The following GRIK2 variants were observed in gnomAD, a reference collection of about 807,000 sequenced individuals.
GRIK2 encodes glutamate receptor ionotropic, kainate 2.
A neutral mutation model predicts 100.3 loss-of-function variants in GRIK2; 32 were observed. The ratio of observed to expected loss-of-function variants is 0.32; its 90% confidence interval spans 0.24 to 0.43. GRIK2 has a LOEUF of 0.43. Ranked by LOEUF, GRIK2 falls within the 20% of genes least tolerant of loss-of-function variation. The pLI, the probability that GRIK2 is intolerant of heterozygous loss-of-function variation, is 1.00. For missense variants in GRIK2, 843 were observed against 1,114.9 expected, an observed-to-expected ratio of 0.76 and a Z score of 3.47; for synonymous variants, 417 against 389.4, an observed-to-expected ratio of 1.07 and a Z score of -0.83.
intron 2 of GRIK2, among the ~76,000 whole-genome samples, chr6:101,425,052 A>C: frequency 6.6e-6 from 1 of 152,014 alleles, no homozygotes; most frequent in Non-Finnish European, 1.5e-5. Flanking sequence ...CATTTTCTTC[A>C]TCCAGTCTAT....
At chr6:101,617,952 A>G (rs1208177510) in intron 2 of GRIK2, among the ~76,000 whole-genome samples, 2 of 151,216 alleles carry the variant, frequency 1.3e-5, no homozygotes, top group Admixed American at 1.3e-4. Flanking sequence ...GTGTATATAT[A>G]TGTGTGTGTG....
At chr6:101,868,708 T>G (rs1333153158) in intron 11 of GRIK2, among the ~76,000 whole-genome samples, 1 of 151,766 alleles carries the variant, frequency 6.6e-6, no homozygotes, top group East Asian at 1.9e-4. Context: ...CTATAGAAAT[T>G]TGTTCAGTGT....
chr6:102,024,932 A>G (rs1472585305), intron 14 of GRIK2, among the ~76,000 whole-genome samples: 2 of 149,350 alleles, frequency 1.3e-5, no homozygotes, highest in Non-Finnish European at 3.0e-5. Flanking sequence ...CATGATATAT[A>G]TATATATTAT....
intron 14 of GRIK2, among the ~76,000 whole-genome samples, chr6:102,013,003 G>C (rs192910924): frequency 3.3e-3 from 496 of 152,202 alleles, no homozygotes; most frequent in Non-Finnish European, 5.5e-3. Flanking sequence ...AGAAGAGCAT[G>C]AATCTGTAAA....
rs1376723314 is a variant in GRIK2, at chr6:101,955,617, C to CTCTCTCTCTCTCTCTCTCTCT, written c.2085+26985_2085+26986insTCTCTCTCTCTCTCTCTCTCT. 5.9e-3 allele frequency among the ~76,000 whole-genome samples: 691 copies of CTCTCTCTCTCTCTCTCTCTCT among 116,334 alleles called. 65 individuals carry two copies. The highest frequency in any genetic ancestry group is 0.019 in the Middle Eastern group (4 of 206). The allele number at this position is 116,334 out of a possible 152,430, so 76.3% of individuals were successfully genotyped here. A position where few individuals can be genotyped will look rare whatever the true frequency, so the allele number is the denominator to read the frequency against. On this transcript the variant is annotated intron_variant, in intron 14 of 16. Transcript: ENST00000369134. ...CTCTCTCTCTCTCTCTCTCTCTCTC[C>CTCTCTCTCTCTCTCTCTCTCT]CCCCCATTTCTTTTACAGTCAGATT...
intron 7 of GRIK2, among the ~76,000 whole-genome samples, chr6:101,747,547 A>C (rs1776495127): frequency 6.6e-6 from 1 of 152,134 alleles, no homozygotes; most frequent in Non-Finnish European, 1.5e-5. Flanking sequence ...TTAATATCTG[A>C]ATTTTTGTAT....
chr6:101,814,361 T>C (rs1379930932), intron 9 of GRIK2, among the ~76,000 whole-genome samples: 1 of 151,966 alleles, frequency 6.6e-6, no homozygotes, highest in Non-Finnish European at 1.5e-5. Context: ...TATCAGCAAA[T>C]GCAAAGAAAC....
chr6:101,556,321 ATTTTTTTTTTTTTTTTTT>A (rs10528480), intron 2 of GRIK2, among the ~76,000 whole-genome samples: 7 of 59,394 alleles, frequency 1.2e-4, no homozygotes, highest in African/African-American at 1.7e-4. Flanking sequence ...TATATTGGTA[ATTTTTTTTTTTTTTTTTT>A]TTTTTTTTTT....
rs1022615110 is a variant in GRIK2 at position 101,988,267 on chromosome 6, A to G, written c.2086-47074A>G. Among the ~76,000 whole-genome samples, 6 of 151,774 alleles carry G rather than the reference A, an allele frequency of 4.0e-5. No individual in the cohort carries two copies. In the East Asian group the frequency reaches 1.2e-3, roughly 29 times the overall value. Reference sequence around the variant, plus strand: ...TATGTCTTATACATTTCCTCACACCATTATGATTTTGGGGGACTACCTGTG... The same window carrying G: ...TATGTCTTATACATTTCCTCACACCGTTATGATTTTGGGGGACTACCTGTG... On this transcript the variant is annotated intron_variant, in intron 14 of 16. Transcript: ENST00000369134.
intron 2 of GRIK2, among the ~76,000 whole-genome samples, chr6:101,565,951 A>ATG (rs1777246973): frequency 6.9e-6 from 1 of 145,610 alleles, no homozygotes; most frequent in African/African-American, 2.5e-5. Context: ...ATATATATAT[A>ATG]TATATATAAG....
At chr6:101,735,997 G>A (rs952504314) in intron 7 of GRIK2, among the ~76,000 whole-genome samples, 5 of 152,152 alleles carry the variant, frequency 3.3e-5, no homozygotes, top group Admixed American at 1.3e-4. Context: ...GGGAGAAATC[G>A]GCCCAAAACA....
intron 2 of GRIK2, among the ~76,000 whole-genome samples, chr6:101,448,713 T>C (rs1005938603): frequency 1.3e-5 from 2 of 151,658 alleles, no homozygotes; most frequent in African/African-American, 4.8e-5. Context: ...AAGTCACAGA[T>C]ATAGCCTGAG....
chr6:101,907,009 C>G (rs139797682), intron 12 of GRIK2, among the ~76,000 whole-genome samples: 1 of 151,764 alleles, frequency 6.6e-6, no homozygotes, highest in African/African-American at 2.4e-5. Flanking sequence ...ATTTTGCTAA[C>G]AGTTTCTCAG....
chr6:101,427,834 C>T (rs1769126538), intron 2 of GRIK2, among the ~76,000 whole-genome samples: 1 of 152,098 alleles, frequency 6.6e-6, no homozygotes, highest in Non-Finnish European at 1.5e-5. Flanking sequence ...TTTATTCATT[C>T]ACTGAATAAA....
chr6:101,401,939 G>C (rs1407143679), intron 2 of GRIK2, among the ~76,000 whole-genome samples: 2 of 152,148 alleles, frequency 1.3e-5, no homozygotes, highest in African/African-American at 4.8e-5. Flanking sequence ...GGCGTGGCTA[G>C]GCGCCGGCAG....
At chr6:101,592,594 T>C (rs1582787256) in intron 2 of GRIK2, among the ~76,000 whole-genome samples, 1 of 55,450 alleles carries the variant, frequency 1.8e-5, no homozygotes, top group Non-Finnish European at 3.5e-5. Context: ...ATCACATATA[T>C]ATATATATAT....
chr6:101,697,810 G>A (rs1024818697), intron 7 of GRIK2, among the ~76,000 whole-genome samples: 2 of 152,062 alleles, frequency 1.3e-5, no homozygotes, highest in South Asian at 4.1e-4. Context: ...TTAGCTATTC[G>A]ATGAAACCAG....
intron 10 of GRIK2, among the ~76,000 whole-genome samples, chr6:101,846,504 T>G (rs1463021593): frequency 6.6e-6 from 1 of 152,056 alleles, no homozygotes; most frequent in Non-Finnish European, 1.5e-5. Flanking sequence ...TTTTCTGGTT[T>G]AGTATCAGGG....
intron 2 of GRIK2, among the ~76,000 whole-genome samples, chr6:101,475,786 G>A (rs183519897): frequency 2.6e-5 from 4 of 152,074 alleles, no homozygotes; most frequent in Admixed American, 6.5e-5. Flanking sequence ...TAAAAAAGGC[G>A]ATATTTGTGT....
Sources: gnomAD v4.1 joint callset for allele counts (sites outside exome capture counted in the v4.1 genomes callset) on GRCh38, gnomAD v4.1.1 for gene constraint, MANE v1.5 for transcripts, NCBI Gene and HGNC (gene_info 2026-07-23, HGNC 2026-07-21) for gene names.